Variants in SUGCT observed in about 807,000 individuals in gnomAD.
SUGCT encodes succinyl-CoA:glutarate-CoA transferase, also known as succinyl-CoA:glutarate CoA-transferase.
In SUGCT, 41 loss-of-function variants were observed where a neutral mutation model predicts 55.0. The ratio of observed to expected loss-of-function variants is 0.74; its 90% CI spans 0.58 to 0.97. The LOEUF is 0.97. SUGCT is among the 50% of genes least tolerant of loss of function. The pLI, the probability that SUGCT is intolerant of heterozygous loss-of-function variation, is 0.00. For synonymous variants in SUGCT, 187 were observed against 200.4 expected (o/e 0.93, Z 0.56); for missense variants, 568 against 547.8 (o/e 1.04, Z -0.37).
At chr7:40,300,823 T>C (rs895936232) in intron 8 of SUGCT, among the ~76,000 whole-genome samples, 1 of 152,242 alleles carries the variant, frequency 6.6e-6, no homozygotes. Context: ...TCCTTGATTT[T>C]ATTCTCTGGT....
rs542696645 is a variant in SUGCT at position 40,246,644 on chromosome 7, TGGA to T, written c.576+8920_576+8922del. ...AGGAGTCTCACTCTGTTGCCCAGAC[TGGA>T]GTGCAGTGGCATGATCTCCGCTCAC... On this transcript the variant is annotated intron_variant, in intron 7 of 13. Transcript: ENST00000335693. Among the ~76,000 whole-genome samples the T allele has an allele frequency of 2.5e-4, 38 of 151,278 alleles. No homozygotes were observed. In the East Asian group the frequency reaches 7.4e-3, roughly 30 times the overall value.
At chr7:40,868,034 C>T in the SUGCT span, among the ~76,000 whole-genome samples, 1 of 152,154 alleles carries the variant, frequency 6.6e-6, no homozygotes, top group African/African-American at 2.4e-5. Context: ...GAGACAGAAA[C>T]TGGTCATATT....
At chr7:40,228,936 C>T (rs1788551008) in intron 6 of SUGCT, among the ~76,000 whole-genome samples, 1 of 152,042 alleles carries the variant, frequency 6.6e-6, no homozygotes, top group South Asian at 2.1e-4. Flanking sequence ...CTTCTTGATG[C>T]TCACATTCTC....
At chr7:40,606,975 A>G (rs1798562248) in intron 12 of SUGCT, among the ~76,000 whole-genome samples, 1 of 152,212 alleles carries the variant, frequency 6.6e-6, no homozygotes, top group Non-Finnish European at 1.5e-5. Flanking sequence ...GATCAGAAAA[A>G]TGCTTGATAT....
At chr7:40,410,285 AC>A (rs1362479040) in intron 9 of SUGCT, among the ~76,000 whole-genome samples, 1 of 152,080 alleles carries the variant, frequency 6.6e-6, no homozygotes, top group Non-Finnish European at 1.5e-5. Context: ...TCCAGTTAAT[AC>A]TTTTTGTCTT....
chr7:40,573,015 C>G (rs1052777284), intron 12 of SUGCT, among the ~76,000 whole-genome samples: 1 of 152,018 alleles, frequency 6.6e-6, no homozygotes, highest in Admixed American at 6.6e-5. Flanking sequence ...AAAAATGCAC[C>G]CCCCACAATG....
chr7:40,941,740 T>G, the SUGCT span, among the ~76,000 whole-genome samples: 1 of 152,130 alleles, frequency 6.6e-6, no homozygotes, highest in Non-Finnish European at 1.5e-5. Flanking sequence ...TTTATAAATC[T>G]GGGAGCTCCA....
chr7:40,630,742 G>T (rs1289771227), intron 12 of SUGCT, among the ~76,000 whole-genome samples: 1 of 152,118 alleles, frequency 6.6e-6, no homozygotes, highest in Non-Finnish European at 1.5e-5. Flanking sequence ...CAGTCTAATA[G>T]AAAAGGTAAA....
chr7:40,718,501 T>C (rs1786145536), intron 12 of SUGCT, among the ~76,000 whole-genome samples: 1 of 152,224 alleles, frequency 6.6e-6, no homozygotes, highest in Non-Finnish European at 1.5e-5. Context: ...GTCTATATAA[T>C]GTAATTCAAA....
At chr7:40,536,785 A>G (rs913169290) in intron 12 of SUGCT, among the ~76,000 whole-genome samples, 1 of 152,148 alleles carries the variant, frequency 6.6e-6, no homozygotes, top group African/African-American at 2.4e-5. Context: ...TGGGTAGGAG[A>G]CAGAAATGGA....
chr7:40,357,326 T>TA lies in SUGCT; in HGVS notation c.816+40478dup, dbSNP rs962380595. Among the ~76,000 whole-genome samples the TA allele has an allele frequency of 3.9e-5, 6 of 152,310 alleles. No individual in the cohort carries two copies. In the East Asian group the frequency reaches 1.2e-3, roughly 29 times the overall value. On this transcript the variant is annotated intron_variant, in intron 9 of 13. Transcript: ENST00000335693. ...AAAATGCTTTGTCACCTAATTTAAT[T>TA]AAAAAAATTCATCTTCCAATGTATG...
chr7:40,265,743 C>A (rs953669995), intron 7 of SUGCT, among the ~76,000 whole-genome samples: 49 of 152,142 alleles, frequency 3.2e-4, no homozygotes, highest in Admixed American at 2.4e-3. Context: ...TCACTTTAAG[C>A]CATGAGATCG....
intron 12 of SUGCT, among the ~76,000 whole-genome samples, chr7:40,567,740 G>T (rs1455617939): frequency 6.6e-6 from 1 of 152,196 alleles, no homozygotes; most frequent in African/African-American, 2.4e-5. Context: ...CTTACTTTGT[G>T]TGGGAGCACA....
chr7:40,782,046 A>G (rs1408382309), intron 13 of SUGCT, among the ~76,000 whole-genome samples: 3 of 152,078 alleles, frequency 2.0e-5, no homozygotes, highest in Non-Finnish European at 4.4e-5. Context: ...GGTAATTTTT[A>G]TCTTCTTTAT....
chr7:40,924,517 G>A, the SUGCT span, among the ~76,000 whole-genome samples: 1 of 152,162 alleles, frequency 6.6e-6, no homozygotes, highest in Non-Finnish European at 1.5e-5. Flanking sequence ...GCCTCTGAAG[G>A]TGCTGGGATT....
At chr7:40,259,302 G>A (rs1174851918) in intron 7 of SUGCT, among the ~76,000 whole-genome samples, 10 of 152,100 alleles carry the variant, frequency 6.6e-5, no homozygotes, top group African/African-American at 1.9e-4. Context: ...TGAGCTGTGC[G>A]GGCCCACTTA....
At chr7:40,137,427 C>A (rs1787755809) in intron 1 of SUGCT, among the ~76,000 whole-genome samples, 1 of 152,154 alleles carries the variant, frequency 6.6e-6, no homozygotes, top group South Asian at 2.1e-4. Context: ...AGCCACCATG[C>A]CCAACCAACA....
chr7:40,359,270 T>C (rs143046789), intron 9 of SUGCT, among the ~76,000 whole-genome samples: 7 of 152,306 alleles, frequency 4.6e-5, no homozygotes, highest in African/African-American at 1.7e-4. Flanking sequence ...AATAGTGCTA[T>C]CTCAGCTCAC....
Position 40,661,541 on chromosome 7 carries a change from C to T in SUGCT, c.1090-87893C>T, listed in dbSNP as rs114634452. 8.0e-3 allele frequency among the ~76,000 whole-genome samples: 1,225 copies of T among 152,206 alleles called. 7 individuals carry two copies. The highest frequency in any genetic ancestry group is 0.028 in the African/African-American group (1,151 of 41,532). ...TTTTCACAGAAAAACTACTTGAAAA[C>T]ATTCTTCAAATTCACTAATTCACAA... On this transcript the variant is annotated intron_variant, in intron 12 of 13. Transcript: ENST00000335693.
Sources: allele counts gnomAD v4.1 joint callset (sites outside exome capture counted in the v4.1 genomes callset), GRCh38; gene constraint gnomAD v4.1.1; transcripts MANE v1.5; gene names NCBI Gene and HGNC (gene_info 2026-07-23, HGNC 2026-07-21).